SOX5: variants seen among roughly 807,000 people sequenced by gnomAD.
SOX5 encodes the protein SRY-box transcription factor 5.
A neutral mutation model predicts 92.0 loss-of-function variants in SOX5; 9 were observed. The ratio of observed to expected loss-of-function variants is 0.10; its 90% CI spans 0.06 to 0.17. The LOEUF is 0.17. SOX5 is among the 10% of genes least tolerant of loss of function. The probability of loss-of-function intolerance (pLI) is 1.00; values close to 1 mark genes in which losing one functional copy is unlikely to be tolerated. For synonymous variants in SOX5, 344 were observed against 336.3 expected (o/e 1.02, Z -0.25); for missense variants, 642 against 944.5 (o/e 0.68, Z 4.20).
chr12:24,364,435 C>T (rs1258695343), intron 2 of SOX5, among the ~76,000 whole-genome samples: 2 of 149,736 alleles, frequency 1.3e-5, no homozygotes, highest in African/African-American at 2.5e-5. Context: ...ATGACATAAT[C>T]TTCTTGCCTT....
intron 4 of SOX5, among the ~76,000 whole-genome samples, chr12:24,100,753 G>A (rs1048268456): frequency 3.3e-5 from 5 of 152,028 alleles, no homozygotes; most frequent in South Asian, 2.1e-4. Flanking sequence ...CAAACAGAGC[G>A]CCCAGAACTC....
chr12:24,431,901 T>C (rs533985164), intron 1 of SOX5, among the ~76,000 whole-genome samples: 1 of 152,294 alleles, frequency 6.6e-6, no homozygotes, highest in East Asian at 1.9e-4. Context: ...TAGGCTTTGA[T>C]GACAGTACAC....
chr12:24,555,815 A>C (rs1033665927), intron 1 of SOX5, among the ~76,000 whole-genome samples: 1 of 152,204 alleles, frequency 6.6e-6, no homozygotes, highest in Non-Finnish European at 1.5e-5. Context: ...GTGAAGTACT[A>C]CTAAACTGGG....
At position 24,263,541 on chromosome 12, in the gene SOX5, C is replaced by CAAAAAAAAAA. The variant is rs528065569; in HGVS notation, c.-77+13665_-77+13674dup. Among the ~76,000 whole-genome samples the CAAAAAAAAAA allele has an allele frequency of 2.7e-5, 3 of 112,032 alleles. 1 individual carries two copies. The highest frequency in any genetic ancestry group is 1.7e-5 in the Non-Finnish European group (1 of 58,308). 73.5% of individuals were successfully genotyped at this position (112,032 alleles called of 152,430 possible). A position where few individuals can be genotyped will look rare whatever the true frequency, so the allele number is the denominator to read the frequency against. ...AGACTCCGTCTCAAAAAAAAAAAAA[C>CAAAAAAAAAA]AAAAAAAAAAACAAAAACAAGAAAT... On this transcript the variant is annotated intron_variant, in intron 3 of 4. Coordinates refer to the SOX5 transcript ENST00000446891.
chr12:24,370,660 C>T (rs777264090), intron 1 of SOX5, among the ~76,000 whole-genome samples: 4 of 151,832 alleles, frequency 2.6e-5, no homozygotes, highest in Non-Finnish European at 5.9e-5. Flanking sequence ...GGCGTGGGGG[C>T]ACGCGCGTGT....
At chr12:24,492,169 C>T (rs1947158118) in intron 1 of SOX5, among the ~76,000 whole-genome samples, 1 of 152,118 alleles carries the variant, frequency 6.6e-6, no homozygotes. Flanking sequence ...AGCTTTGTAC[C>T]TTTCAAACTG....
chr12:23,644,143 G>T (rs1231319270), intron 7 of SOX5, among the ~76,000 whole-genome samples: 1 of 152,172 alleles, frequency 6.6e-6, no homozygotes, highest in Admixed American at 6.5e-5. Context: ...TGCCTTGGTT[G>T]CCCACACCCT....
chr12:23,801,665 T>TAATAATGTTA (rs1180636907), intron 3 of SOX5, among the ~76,000 whole-genome samples: 2 of 152,210 alleles, frequency 1.3e-5, no homozygotes, highest in Non-Finnish European at 2.9e-5. Flanking sequence ...CTCCACTTTT[T>TAATAATGTTA]AACATTATTA....
chr12:23,640,233 G>A (rs894492837), intron 8 of SOX5, among the ~76,000 whole-genome samples: 2 of 152,122 alleles, frequency 1.3e-5, no homozygotes, highest in African/African-American at 2.4e-5. Context: ...TAAAGTTATC[G>A]TTGACATTCT....
intron 9 of SOX5, 165 bp downstream of exon 9, chr12:23,604,222 G>T: frequency 1.6e-6 from 1 of 607,776 alleles, no homozygotes; most frequent in Non-Finnish European, 3.0e-6. Context: ...ATGATTCAAT[G>T]TATGCAGATA....
At chr12:24,153,485 C>T (rs1040582866) in intron 4 of SOX5, among the ~76,000 whole-genome samples, 1 of 152,032 alleles carries the variant, frequency 6.6e-6, no homozygotes, top group East Asian at 1.9e-4. Flanking sequence ...GTAATATGTG[C>T]TTTCTAAAAT....
chr12:23,577,150 T>C (rs141836813), intron 9 of SOX5, among the ~76,000 whole-genome samples: 15,749 of 117,560 alleles, frequency 0.13, 1,334 homozygotes, highest in Non-Finnish European at 0.18. Context: ...TATATATATA[T>C]ACACACACAC....
chr12:23,611,371 T>C (rs200090289), intron 8 of SOX5, among the ~76,000 whole-genome samples: 7 of 87,746 alleles, frequency 8.0e-5, no homozygotes, highest in Admixed American at 4.5e-4. Context: ...TGTGTGTGCG[T>C]GTGTGTGTGT....
At chr12:23,666,085 AAAGATT>A (rs1302771002) in intron 6 of SOX5, among the ~76,000 whole-genome samples, 1 of 152,136 alleles carries the variant, frequency 6.6e-6, no homozygotes, top group African/African-American at 2.4e-5. Context: ...GACCTGGAAG[AAAGATT>A]ACAGAATAGC....
chr12:23,627,750 T>C (rs9971691), intron 8 of SOX5, among the ~76,000 whole-genome samples: 102,088 of 151,790 alleles, frequency 0.67, 34,482 homozygotes, highest in Middle Eastern at 0.72. Context: ...TAACCCATTA[T>C]ATCAAACCTA....
intron 1 of SOX5, among the ~76,000 whole-genome samples, chr12:24,438,094 A>G (rs1270112853): frequency 6.6e-6 from 1 of 152,252 alleles, no homozygotes; most frequent in African/African-American, 2.4e-5. Flanking sequence ...ATGGAATACT[A>G]TGCAGCCATA....
chr12:24,503,032 T>C (rs2138161925), intron 1 of SOX5, among the ~76,000 whole-genome samples: 1 of 152,306 alleles, frequency 6.6e-6, no homozygotes, highest in Middle Eastern at 3.4e-3. Flanking sequence ...CTAAATGCAC[T>C]GTGGGATTCT....
intron 1 of SOX5, among the ~76,000 whole-genome samples, chr12:23,934,924 C>A (rs1480741707): frequency 4.6e-5 from 7 of 151,206 alleles, no homozygotes; most frequent in African/African-American, 7.3e-5. Flanking sequence ...CAGTCTGACT[C>A]CAAAGTACTC....
intron 2 of SOX5, among the ~76,000 whole-genome samples, chr12:24,365,095 T>G (rs889060774): frequency 2.6e-5 from 4 of 152,084 alleles, no homozygotes; most frequent in Non-Finnish European, 5.9e-5. Flanking sequence ...GGTTCAAAAG[T>G]TTATTCATTC....
Sources: gnomAD v4.1 joint callset for allele counts (sites outside exome capture counted in the v4.1 genomes callset) on GRCh38, gnomAD v4.1.1 for gene constraint, MANE v1.5 for transcripts, NCBI Gene and HGNC (gene_info 2026-07-23, HGNC 2026-07-21) for gene names.